Variants in PTPN12 observed in about 807,000 individuals in gnomAD.
PTPN12 encodes the protein tyrosine-protein phosphatase non-receptor type 12.
PTPN12 carries 29 observed loss-of-function variants against 97.6 expected under a neutral mutation model. That is an observed-to-expected ratio of 0.30 (90% CI 0.22 to 0.41). The LOEUF (loss-of-function observed/expected upper bound fraction) is 0.41, where lower values mean the gene tolerates loss of function less well. Ranked by LOEUF, PTPN12 falls within the 10% of genes least tolerant of loss-of-function variation. The pLI, the probability that PTPN12 is intolerant of heterozygous loss-of-function variation, is 1.00. For missense variants in PTPN12, 819 were observed against 926.0 expected, an observed-to-expected ratio of 0.88 and a Z score of 1.50; for synonymous variants, 327 against 300.4, an observed-to-expected ratio of 1.09 and a Z score of -0.91.
chr7:77,556,952 TTTTGTTTG>T (rs144508899), intron 1 of PTPN12, among the ~76,000 whole-genome samples: 23 of 150,438 alleles, frequency 1.5e-4, no homozygotes, highest in Admixed American at 1.4e-3. Flanking sequence ...CACCAGGAGT[TTTTGTTTG>T]TTTGTTTGTT....
intron 5 of PTPN12, among the ~76,000 whole-genome samples, chr7:77,591,813 T>C (rs1584156946): frequency 6.6e-6 from 1 of 152,346 alleles, no homozygotes; most frequent in East Asian, 1.9e-4. Flanking sequence ...GTAGAGATTG[T>C]CATGTTACAA....
At chr7:77,610,240 T>C (rs1254436565) in intron 9 of PTPN12, among the ~76,000 whole-genome samples, 5 of 152,236 alleles carry the variant, frequency 3.3e-5, no homozygotes, top group African/African-American at 7.2e-5. Context: ...CTGGTCCTTA[T>C]ATAGCCAATC....
chr7:77,547,018 C>G (rs1807256269), intron 1 of PTPN12, among the ~76,000 whole-genome samples: 2 of 152,290 alleles, frequency 1.3e-5, no homozygotes, highest in East Asian at 3.9e-4. Flanking sequence ...GGGAAGTGTG[C>G]TAATATCTAC....
At chr7:77,571,526 CAA>C (rs1340609340) in intron 2 of PTPN12, among the ~76,000 whole-genome samples, 1 of 152,020 alleles carries the variant, frequency 6.6e-6, no homozygotes, top group East Asian at 1.9e-4. Flanking sequence ...AAAATGCTAA[CAA>C]TGTTGATTTT....
chr7:77,577,616 T>C (rs575535224), intron 2 of PTPN12, among the ~76,000 whole-genome samples: 7 of 152,094 alleles, frequency 4.6e-5, no homozygotes, highest in Non-Finnish European at 1.0e-4. Context: ...GCAATAAATA[T>C]TTATTGGATG....
intron 1 of PTPN12, among the ~76,000 whole-genome samples, chr7:77,558,455 C>T (rs1161301697): frequency 1.3e-5 from 2 of 152,058 alleles, no homozygotes; most frequent in African/African-American, 4.8e-5. Flanking sequence ...AAGTATGCAA[C>T]AATTTTTGTG....
chr7:77,626,634 A>G (rs1789195177), intron 12 of PTPN12, 71 bp from the exon 13 acceptor site: 1 of 1,460,980 alleles, frequency 6.8e-7, no homozygotes, highest in Non-Finnish European at 9.2e-7. Flanking sequence ...TGCTACTCTT[A>G]GCTACATAAT....
Position 77,561,088 on chromosome 7 carries a change from GT to G in PTPN12, c.100-9984del, listed in dbSNP as rs1318378057. 2.6e-5 allele frequency among the ~76,000 whole-genome samples: 4 copies of G among 151,868 alleles called. No individual in the cohort carries two copies. In the South Asian group the frequency reaches 8.3e-4, roughly 32 times the overall value. On this transcript the variant is annotated intron_variant, in intron 1 of 17. Transcript: ENST00000248594. ...TCTGGCTTGTTTTGTTTTGTTTTTT[GT>G]TTTTTGTTTTTTATAGAGTTGAGGT...
At chr7:77,552,170 G>A (rs1026225373) in intron 1 of PTPN12, among the ~76,000 whole-genome samples, 4 of 152,194 alleles carry the variant, frequency 2.6e-5, no homozygotes, top group Non-Finnish European at 1.5e-5. Flanking sequence ...AAGCTTGAGT[G>A]CAGTGGCACA....
At chr7:77,569,041 G>A (rs1046589731) in intron 1 of PTPN12, among the ~76,000 whole-genome samples, 1 of 151,888 alleles carries the variant, frequency 6.6e-6, no homozygotes, top group Non-Finnish European at 1.5e-5. Flanking sequence ...TTTTATTTAC[G>A]TTCAATTTTT....
At chr7:77,544,395 A>G (rs1181352689) in intron 1 of PTPN12, among the ~76,000 whole-genome samples, 1 of 152,212 alleles carries the variant, frequency 6.6e-6, no homozygotes, top group Non-Finnish European at 1.5e-5. Flanking sequence ...ACCTAAACAT[A>G]TTTACATCAA....
chr7:77,618,643 A>G, intron 12 of PTPN12, 78 bp downstream of exon 12: 1 of 957,448 alleles, frequency 1.0e-6, no homozygotes, highest in Non-Finnish European at 1.6e-6. Flanking sequence ...CAAATTCTGA[A>G]TATTTCTAAA....
At chr7:77,605,015 G>A (rs1462934912) in intron 8 of PTPN12, 1 of 197,914 alleles carries the variant, frequency 5.1e-6, no homozygotes, top group East Asian at 1.6e-4. Flanking sequence ...GTATCTTTAT[G>A]TTATACTTTT....
At chr7:77,560,879 C>T (rs1024479239) in intron 1 of PTPN12, among the ~76,000 whole-genome samples, 13 of 151,552 alleles carry the variant, frequency 8.6e-5, no homozygotes, top group Non-Finnish European at 1.5e-4. Flanking sequence ...AATATCTGTT[C>T]GAGACCCTGC....
chr7:77,632,178 A>G (rs1264020523), intron 13 of PTPN12, among the ~76,000 whole-genome samples, 170 bp from the exon 14 acceptor site: 1 of 152,250 alleles, frequency 6.6e-6, no homozygotes, highest in East Asian at 1.9e-4. Flanking sequence ...TCTTTGCTCA[A>G]TAAGCATCAT....
In PTPN12 at chr7:77,606,509, G is replaced by T. The variant is rs2151370906; in HGVS notation, c.696-726G>T. Among the ~76,000 whole-genome samples, 2 of 152,140 alleles carry T rather than the reference G, an allele frequency of 1.3e-5. 1 individual carries two copies. Among genetic ancestry groups the T allele is most frequent in the South Asian group, 4.1e-4 (2 of 4,828 alleles). On this transcript the variant is annotated intron_variant, in intron 8 of 17. Transcript: ENST00000248594. ...CCTCCCAGGCTCAAGCAATCCTTCT[G>T]CCTTGGCCTCCCAAAGTGCTGGGAC... is the stretch of plus-strand genomic sequence containing the variant.
chr7:77,625,094 C>T (rs1008650718), intron 12 of PTPN12, among the ~76,000 whole-genome samples: 1 of 152,034 alleles, frequency 6.6e-6, no homozygotes, highest in Admixed American at 6.5e-5. Flanking sequence ...AAGATGGTGC[C>T]ACTGCACTCC....
At chr7:77,560,852 G>A (rs368397641) in intron 1 of PTPN12, among the ~76,000 whole-genome samples, 1 of 151,614 alleles carries the variant, frequency 6.6e-6, no homozygotes, top group African/African-American at 2.4e-5. Context: ...TGCTCCTGCT[G>A]TGAACATGGT....
At position 77,637,067 on chromosome 7, in the gene PTPN12, T is replaced by A. The variant is rs751700937; in HGVS notation, c.2173+19T>A. 1 of 1,590,746 alleles carries A rather than the reference T, an allele frequency of 6.3e-7. No individual in the cohort carries two copies. The highest frequency in any genetic ancestry group is 1.1e-5 in the South Asian group (1 of 89,750). On this transcript the variant is annotated intron_variant, in intron 16 of 17. Transcript: ENST00000248594. Reference sequence around the variant, plus strand: ...AAATGTGGTAAGTTGTTAGATTTTTTTTTTCCTTTTTACTGTAGATTTTAT... The same window carrying A: ...AAATGTGGTAAGTTGTTAGATTTTTATTTTCCTTTTTACTGTAGATTTTAT...
Sources: allele counts gnomAD v4.1 joint callset (sites outside exome capture counted in the v4.1 genomes callset), GRCh38; gene constraint gnomAD v4.1.1; transcripts MANE v1.5; gene names NCBI Gene and HGNC (gene_info 2026-07-23, HGNC 2026-07-21).